Variants in COL11A2 observed in about 807,000 individuals in gnomAD.
The protein encoded by COL11A2 is collagen alpha-2(XI) chain.
In COL11A2, 116 loss-of-function variants were observed where a neutral mutation model predicts 273.4. That is an observed-to-expected ratio of 0.42 (90% CI 0.36 to 0.49). The LOEUF (loss-of-function observed/expected upper bound fraction) is 0.49. Among genes scored for constraint, COL11A2 ranks in the 20% least tolerant of loss-of-function variants. COL11A2 has a pLI of 0.00. For missense variants in COL11A2, 1,866 were observed against 2,309.0 expected (o/e 0.81, Z 3.93); for synonymous variants, 782 against 864.2 (o/e 0.90, Z 1.67).
Position 33,179,343 on chromosome 6 carries a change from G to C in COL11A2, c.1504-59C>G, listed in dbSNP as rs1420559243. 7 of 1,584,394 alleles carry C rather than the reference G, an allele frequency of 4.4e-6. No individual in the cohort carries two copies. The highest frequency in any genetic ancestry group is 6.0e-6 in the Non-Finnish European group (7 of 1,165,914). On this transcript the variant is annotated intron_variant, in intron 14 of 65. Transcript: ENST00000341947. The surrounding 1 kb of genome is among the most constrained non-coding windows in gnomAD (Gnocchi z 6.4). The stretch of plus-strand genomic sequence containing the variant: ...GGACACAGCCAACAGTGGCCTCGGA[G>C]TGTTCCCCAAAAGAAGCCCCTTTCC...
Position 33,163,257 on chromosome 6 carries a change from C to T in COL11A2, c.*421G>A, listed in dbSNP as rs1341931299. On this transcript the variant is annotated 3_prime_UTR_variant, in exon 66 of 66. Coordinates refer to ENST00000341947, the MANE Select transcript of COL11A2 (RefSeq NM_080680.3). This position sits in a 1 kb window ranked among gnomAD's most constrained non-coding sequence, Gnocchi z 4.1. ...GGATGTGGGTGCCGGAGCCCACCCC[C>T]GAGACCCCTGTCTTCAACATCTGCT... 2.8e-5 allele frequency: 6 copies of T among 216,736 alleles called. No homozygotes were observed. The highest frequency in any genetic ancestry group is 7.4e-5 in the South Asian group (1 of 13,508). The allele number at this position is 216,736 out of a possible 1,614,324, so 13.4% of individuals were successfully genotyped here.
At chr6:33,183,477 G>A (rs1771978315) in intron 8 of COL11A2, among the ~76,000 whole-genome samples, 1 of 152,216 alleles carries the variant, frequency 6.6e-6, no homozygotes, top group Non-Finnish European at 1.5e-5. Context: ...GGACACACAG[G>A]AAGTAGCCAT....
In COL11A2 at chr6:33,179,004, C is replaced by A. The variant is rs377707592; in HGVS notation, c.1612-31G>T. 5.0e-6 allele frequency: 8 copies of A among 1,613,936 alleles called. No individual in the cohort carries two copies. The Admixed American group carries it at 1.3e-4, about 27-fold the overall frequency. On this transcript the variant is annotated intron_variant, in intron 16 of 65. Transcript: ENST00000341947. This position sits in a 1 kb window ranked among gnomAD's most constrained non-coding sequence, Gnocchi z 6.4. ...AGAACAAGGGAAGTGTCAGAACAAG[C>A]AGGGCCGCAGTCCCCTACCCTGCAG...
intron 8 of COL11A2, among the ~76,000 whole-genome samples, chr6:33,181,378 G>C (rs1411133726): frequency 1.3e-5 from 2 of 151,162 alleles, no homozygotes; most frequent in Non-Finnish European, 3.0e-5. Context: ...TGCCCCCCCA[G>C]TTCCCAGCCC....
chr6:33,178,814 G>GA lies in COL11A2; in HGVS notation c.1666-83_1666-82insT, dbSNP rs1158180608. ...CCCTACTGCACCCTGAGCTGGGGGG[G>GA]TGCTGATCCTGGGGAAGCCTGGAGA... On this transcript the variant is annotated intron_variant, in intron 17 of 65. Transcript: ENST00000341947. This position sits in a 1 kb window ranked among gnomAD's most constrained non-coding sequence, Gnocchi z 4.6. The GA allele has an allele frequency of 5.6e-6, 9 of 1,606,074 alleles. No homozygotes were observed. The highest frequency in any genetic ancestry group is 6.8e-6 in the Non-Finnish European group (8 of 1,174,004).
At position 33,164,471 on chromosome 6, in the gene COL11A2, G is replaced by C. The variant is rs1410493489; in HGVS notation, c.4866C>G (p.Phe1622Leu). 6.5e-7 allele frequency: 1 copy of C among 1,541,490 alleles called. No individual in the cohort carries two copies. The highest frequency in any genetic ancestry group is 2.0e-5 in the Admixed American group (1 of 51,102). Reference protein sequence around the residue: ...CVTPRDDVTQFSYVDSEGSPV... With the variant: ...CVTPRDDVTQLSYVDSEGSPV... ...GGGAGCCCTCTGAGTCCACGTAAGA[G>C]AACTGGAAGGAGAGAGAGGGCTGGC... Residue 1622 changes from phenylalanine (F) to leucine (L), a missense_variant and splice_region_variant, in exon 65 of 66, where the codon TTC (phenylalanine) becomes TTG (leucine). Coordinates refer to ENST00000341947, the MANE Select transcript of COL11A2 (RefSeq NM_080680.3). The surrounding 1 kb of genome is among the most constrained non-coding windows in gnomAD (Gnocchi z 4.7).
Position 33,173,930 on chromosome 6 carries a change from C to T in COL11A2, c.2530-4G>A, listed in dbSNP as rs891664323. The T allele has an allele frequency of 1.9e-5, 30 of 1,614,000 alleles. No homozygotes were observed. Among genetic ancestry groups the T allele is most frequent in the Non-Finnish European group, 2.3e-5 (27 of 1,180,004 alleles). ...GTCCCCGCTGACCCCGTGGACCCTA[C>T]AGAGGGAAGAGGAGTTGTCAGAGAA... is the stretch of plus-strand genomic sequence containing the variant. On this transcript the variant is annotated splice_region_variant and splice_polypyrimidine_tract_variant and intron_variant, in intron 33 of 65. Transcript: ENST00000341947. The surrounding 1 kb of genome is among the most constrained non-coding windows in gnomAD (Gnocchi z 6.3).
Position 33,176,166 on chromosome 6 carries a change from C to T in COL11A2, c.2214+93G>A, listed in dbSNP as rs908227412. On this transcript the variant is annotated intron_variant, in intron 28 of 65. Transcript: ENST00000341947. The surrounding 1 kb of genome is among the most constrained non-coding windows in gnomAD (Gnocchi z 4.9). ...ATAGGTGGAAGCAGGGGCTCGGGAG[C>T]TGGACGGCAGTGCGGGGCAGGCTGG... 55 of 1,604,918 alleles carry T rather than the reference C, an allele frequency of 3.4e-5. No homozygotes were observed. The highest frequency in any genetic ancestry group is 3.3e-4 in the Middle Eastern group (2 of 6,060).
Position 33,173,299 on chromosome 6 carries a change from A to C in COL11A2, c.2736+49T>G. ...GCTTTCCAGACAGCTCTGGGGTTAA[A>C]GGGTCTGATGGAGCCCCCTGAGAAT... On this transcript the variant is annotated intron_variant, in intron 37 of 65. Transcript: ENST00000341947. The surrounding 1 kb of genome is among the most constrained non-coding windows in gnomAD (Gnocchi z 6.3). 1 of 1,604,762 alleles carries C rather than the reference A, an allele frequency of 6.2e-7. No individual in the cohort carries two copies. Among genetic ancestry groups the C allele is most frequent in the Non-Finnish European group, 8.5e-7 (1 of 1,175,656 alleles).
rs1489453556 is a variant in COL11A2, at chr6:33,167,697, A to G, written c.4014+102T>C. 6.6e-7 allele frequency: 1 copy of G among 1,515,694 alleles called. No individual in the cohort carries two copies. The highest frequency in any genetic ancestry group is 2.3e-5 in the East Asian group (1 of 43,900). 93.9% of individuals were successfully genotyped at this position (1,515,694 alleles called of 1,614,324 possible). On this transcript the variant is annotated intron_variant, in intron 55 of 65. Transcript: ENST00000341947. This position sits in a 1 kb window ranked among gnomAD's most constrained non-coding sequence, Gnocchi z 6.1. ...GGAACGCCTGTCCCCATAAGGGCCC[A>G]ACATGGGAGAGGTGGAGATGGGGTG... is the stretch of plus-strand genomic sequence containing the variant.
rs1488117003 is a variant in COL11A2, at chr6:33,179,429, A to C, written c.1503+2T>G. On this transcript the variant is annotated splice_donor_variant, in intron 14 of 65. Coordinates refer to ENST00000341947, the MANE Select transcript of COL11A2 (RefSeq NM_080680.3). LOFTEE classifies it high-confidence loss of function. The surrounding 1 kb of genome is among the most constrained non-coding windows in gnomAD (Gnocchi z 6.4). Reference sequence around the variant, plus strand: ...CTCCACCCGAGCACCCTGCTCACTCACCAAGGGTCCAGGGCGCCCTGTGTA... The same window carrying C: ...CTCCACCCGAGCACCCTGCTCACTCCCCAAGGGTCCAGGGCGCCCTGTGTA... 6.4e-7 allele frequency: 1 copy of C among 1,569,562 alleles called. No individual in the cohort carries two copies. The highest frequency in any genetic ancestry group is 2.3e-5 in the East Asian group (1 of 42,738).
In COL11A2 at chr6:33,167,416, A is replaced by T; in HGVS notation, c.4122+10T>A. On this transcript the variant is annotated intron_variant, in intron 56 of 65. Transcript: ENST00000341947. The surrounding 1 kb of genome is among the most constrained non-coding windows in gnomAD (Gnocchi z 6.1). Reference sequence around the variant, plus strand: ...CCACCCCAGCCCAGCCCTTCCCTGCAGTGACTCACCACTGAGCCTGGGAGC... The same window carrying T: ...CCACCCCAGCCCAGCCCTTCCCTGCTGTGACTCACCACTGAGCCTGGGAGC... 1 of 1,552,154 alleles carries T rather than the reference A, an allele frequency of 6.4e-7. No individual in the cohort carries two copies. Among genetic ancestry groups the T allele is most frequent in the Non-Finnish European group, 8.9e-7 (1 of 1,127,746 alleles).
In COL11A2 at chr6:33,167,681, G is replaced by A; in HGVS notation, c.4014+118C>T. 1.4e-6 allele frequency: 2 copies of A among 1,474,114 alleles called. No individual in the cohort carries two copies. Among genetic ancestry groups the A allele is most frequent in the Non-Finnish European group, 1.9e-6 (2 of 1,066,070 alleles). 91.3% of individuals were successfully genotyped at this position (1,474,114 alleles called of 1,614,324 possible). A position where few individuals can be genotyped will look rare whatever the true frequency, so the allele number is the denominator to read the frequency against. ...GCAGGAACAAGTACAGGGAACGCCTGTCCCCATAAGGGCCCAACATGGGAG... is the reference window on the plus strand; with the variant it reads ...GCAGGAACAAGTACAGGGAACGCCTATCCCCATAAGGGCCCAACATGGGAG... On this transcript the variant is annotated intron_variant, in intron 55 of 65. Transcript: ENST00000341947. The surrounding 1 kb of genome is among the most constrained non-coding windows in gnomAD (Gnocchi z 6.1).
Position 33,166,992 on chromosome 6 carries a change from T to C in COL11A2, c.4230+78A>G. 1 of 1,595,314 alleles carries C rather than the reference T, an allele frequency of 6.3e-7. No homozygotes were observed. The highest frequency in any genetic ancestry group is 8.6e-7 in the Non-Finnish European group (1 of 1,166,392). Reference sequence around the variant, plus strand: ...CTGCCGGAGGCCTGAAGCAGAGCAGTGGGCACTTGGGTCCCACAGGTTTCA... The same window carrying C: ...CTGCCGGAGGCCTGAAGCAGAGCAGCGGGCACTTGGGTCCCACAGGTTTCA... On this transcript the variant is annotated intron_variant, in intron 58 of 65. Coordinates refer to ENST00000341947, the MANE Select transcript of COL11A2 (RefSeq NM_080680.3). This position sits in a 1 kb window ranked among gnomAD's most constrained non-coding sequence, Gnocchi z 4.8.
Position 33,167,702 on chromosome 6 carries a change from G to T in COL11A2, c.4014+97C>A. The T allele has an allele frequency of 1.3e-6, 2 of 1,516,202 alleles. No individual in the cohort carries two copies. The highest frequency in any genetic ancestry group is 9.1e-7 in the Non-Finnish European group (1 of 1,100,302). The allele number at this position is 1,516,202 out of a possible 1,614,324, so 93.9% of individuals were successfully genotyped here. A position where few individuals can be genotyped will look rare whatever the true frequency, so the allele number is the denominator to read the frequency against. On this transcript the variant is annotated intron_variant, in intron 55 of 65. Coordinates refer to ENST00000341947, the MANE Select transcript of COL11A2 (RefSeq NM_080680.3). The surrounding 1 kb of genome is among the most constrained non-coding windows in gnomAD (Gnocchi z 6.1). ...GCCTGTCCCCATAAGGGCCCAACAT[G>T]GGAGAGGTGGAGATGGGGTGGGCAT...
rs752370087 is a variant in COL11A2 at position 33,166,675 on chromosome 6, C to T, written c.4338+45G>A. 46 of 1,612,406 alleles carry T rather than the reference C, an allele frequency of 2.9e-5. No homozygotes were observed. Among genetic ancestry groups the T allele is most frequent in the Non-Finnish European group, 3.9e-5 (46 of 1,178,726 alleles). ...AACTCCAACTCCACCCCTCTCCACC[C>T]CACTCTCAACCCCCACAACTTCCGG... On this transcript the variant is annotated intron_variant, in intron 59 of 65. Transcript: ENST00000341947. The surrounding 1 kb of genome is among the most constrained non-coding windows in gnomAD (Gnocchi z 4.8).
At chr6:33,184,963 G>C (rs1255084224) in intron 7 of COL11A2, 29 bp downstream of exon 7, 4 of 1,542,980 alleles carry the variant, frequency 2.6e-6, no homozygotes. Context: ...ACTGCCCCCA[G>C]ATGGGGTGAG....
At chr6:33,183,552 G>A (rs1771985839) in intron 8 of COL11A2, among the ~76,000 whole-genome samples, 1 of 152,162 alleles carries the variant, frequency 6.6e-6, no homozygotes, top group African/African-American at 2.4e-5. Flanking sequence ...ACAGGAAGTG[G>A]CTTATTGTCA....
upstream of COL11A2, among the ~76,000 whole-genome samples, chr6:33,193,285 C>A (rs1407345052): frequency 6.6e-6 from 1 of 151,924 alleles, no homozygotes; most frequent in Non-Finnish European, 1.5e-5. Context: ...GCAGCGCGCC[C>A]GGAGGGAAGG....
Sources: allele counts gnomAD v4.1 joint callset (sites outside exome capture counted in the v4.1 genomes callset), GRCh38; gene constraint gnomAD v4.1.1; non-coding constraint Gnocchi (gnomAD v3.1); transcripts MANE v1.5; gene names NCBI Gene and HGNC (gene_info 2026-07-23, HGNC 2026-07-21).